Variants in FUBP3 observed in about 807,000 individuals in gnomAD.
FUBP3 encodes far upstream element binding protein 3.
In FUBP3, 28 loss-of-function variants were observed where a neutral mutation model predicts 85.6. That is an observed-to-expected ratio of 0.33 (90% CI 0.24 to 0.45). FUBP3 has a LOEUF of 0.45. Among genes scored for constraint, FUBP3 ranks in the 20% least tolerant of loss-of-function variants. FUBP3 has a pLI of 1.00. For synonymous variants in FUBP3, 271 were observed against 271.4 expected, an observed-to-expected ratio of 1.00 and a Z score of 0.01; for missense variants, 583 against 755.1, an observed-to-expected ratio of 0.77 and a Z score of 2.67.
intron 2 of FUBP3, among the ~76,000 whole-genome samples, chr9:130,604,319 T>C (rs1313574127): frequency 6.6e-6 from 1 of 152,116 alleles, no homozygotes; most frequent in Non-Finnish European, 1.5e-5. Flanking sequence ...TCTGAAGAAG[T>C]AAGTGGTTTG....
chr9:130,634,928 C>T (rs1477144644), intron 17 of FUBP3, among the ~76,000 whole-genome samples, 190 bp downstream of exon 17: 1 of 152,206 alleles, frequency 6.6e-6, no homozygotes, highest in Non-Finnish European at 1.5e-5. Flanking sequence ...CATAGTCAGT[C>T]AGTGACCACA....
intron 2 of FUBP3, among the ~76,000 whole-genome samples, chr9:130,607,184 C>G (rs528986730): frequency 2.0e-5 from 3 of 151,854 alleles, no homozygotes; most frequent in African/African-American, 7.2e-5. Context: ...GTTGGCCAGG[C>G]AGGTCTCGAA....
At chr9:130,624,524 A>G (rs572994542) in intron 11 of FUBP3, among the ~76,000 whole-genome samples, 16 of 152,318 alleles carry the variant, frequency 1.1e-4, no homozygotes, top group African/African-American at 3.8e-4. Context: ...AAGCTCGTTC[A>G]GCCTGTGGGC....
At chr9:130,589,705 A>ATATATATT (rs1414691549) in intron 1 of FUBP3, among the ~76,000 whole-genome samples, 7 of 73,840 alleles carry the variant, frequency 9.5e-5, no homozygotes, top group Non-Finnish European at 1.6e-4. Context: ...ATATATATAT[A>ATATATATT]TTTTTTTTTT....
At chr9:130,603,967 T>C (rs898561846) in intron 2 of FUBP3, among the ~76,000 whole-genome samples, 1 of 152,142 alleles carries the variant, frequency 6.6e-6, no homozygotes, top group East Asian at 1.9e-4. Flanking sequence ...TTCATAATAG[T>C]CCCAAACTGA....
chr9:130,595,528 C>A lies in FUBP3; in HGVS notation c.130C>A (p.Pro44Thr), dbSNP rs999640536. The A allele has an allele frequency of 1.9e-6, 3 of 1,594,486 alleles. No homozygotes were observed. Among genetic ancestry groups the A allele is most frequent in the Non-Finnish European group, 2.6e-6 (3 of 1,162,088 alleles). ...AATTCCTCACTTGAATAATTCCACA[C>A]CTCTAGTGGACCCCTCAGTATATGG... ...DSIPHLNNSTPLVDPSVYGYG... is the reference protein window; with the variant it reads ...DSIPHLNNSTTLVDPSVYGYG... The change falls in exon 2 of 19, where the codon CCT (proline) becomes ACT (threonine). Residue 44 changes from proline (P) to threonine (T), a missense_variant. This residue lies in a region of FUBP3 where 177 missense variants were observed against 221.9 expected (regional missense o/e 0.80). Transcript: ENST00000319725.
chr9:130,614,425 T>A, intron 6 of FUBP3, 80 bp downstream of exon 6: 1 of 846,168 alleles, frequency 1.2e-6, no homozygotes, highest in Non-Finnish European at 2.0e-6. Context: ...GCAACACTGT[T>A]ACTGAACACT....
chr9:130,595,874 C>T (rs992589505), intron 2 of FUBP3, among the ~76,000 whole-genome samples: 2 of 152,150 alleles, frequency 1.3e-5, no homozygotes, highest in Non-Finnish European at 2.9e-5. Flanking sequence ...TTTGATTTAG[C>T]CTAACTCCCT....
At chr9:130,618,353 C>G (rs762083574) in intron 8 of FUBP3, among the ~76,000 whole-genome samples, 1 of 152,204 alleles carries the variant, frequency 6.6e-6, no homozygotes, top group South Asian at 2.1e-4. Context: ...TTTACTTGCT[C>G]GTTCTCTTCT....
intron 3 of FUBP3, among the ~76,000 whole-genome samples, chr9:130,610,593 T>A (rs913502341): frequency 2.0e-5 from 3 of 152,220 alleles, no homozygotes; most frequent in African/African-American, 7.2e-5. Flanking sequence ...AAGGCCAATC[T>A]GTAAGATGGG....
At chr9:130,593,687 T>G (rs1830732739) in intron 1 of FUBP3, among the ~76,000 whole-genome samples, 1 of 152,212 alleles carries the variant, frequency 6.6e-6, no homozygotes, top group African/African-American at 2.4e-5. Flanking sequence ...CTGGGAACAT[T>G]TGGACTAGCT....
At chr9:130,601,130 T>A (rs1831132757) in intron 2 of FUBP3, among the ~76,000 whole-genome samples, 1 of 152,212 alleles carries the variant, frequency 6.6e-6, no homozygotes, top group African/African-American at 2.4e-5. Flanking sequence ...CAAGCTTAAT[T>A]TGCCAGCCCT....
At position 130,592,734 on chromosome 9, in the gene FUBP3, G is replaced by A. The variant is rs184620791; in HGVS notation, c.85-2749G>A. On this transcript the variant is annotated intron_variant, in intron 1 of 18. Coordinates refer to ENST00000319725, the MANE Select transcript of FUBP3 (RefSeq NM_003934.2). Reference sequence around the variant, plus strand: ...ACTTTTTTATTTTTTGTAGAGATGGGGGTCTTGCTGTGTTGCCCAGGCTGG... The same window carrying A: ...ACTTTTTTATTTTTTGTAGAGATGGAGGTCTTGCTGTGTTGCCCAGGCTGG... 2.2e-4 allele frequency among the ~76,000 whole-genome samples: 34 copies of A among 152,102 alleles called. No individual in the cohort carries two copies. The South Asian group carries it at 5.0e-3, about 22-fold the overall frequency.
At chr9:130,636,171 G>A (rs1437553401) in intron 18 of FUBP3, 45 bp downstream of exon 18, 7 of 1,595,168 alleles carry the variant, frequency 4.4e-6, no homozygotes, top group Non-Finnish European at 6.0e-6. Flanking sequence ...CTAGCCCCGA[G>A]CCCCTGCTCC....
intron 1 of FUBP3, 91 bp from the exon 2 acceptor site, chr9:130,595,392 G>T (rs1397195492): frequency 1.3e-6 from 1 of 762,148 alleles, no homozygotes; most frequent in African/African-American, 1.7e-5. Flanking sequence ...GGAGAAATGG[G>T]ATAATAGCCC....
intron 2 of FUBP3, among the ~76,000 whole-genome samples, chr9:130,597,133 ATAAG>A (rs1332132454): frequency 6.6e-6 from 1 of 152,052 alleles, no homozygotes; most frequent in East Asian, 1.9e-4. Flanking sequence ...TATTGCATAA[ATAAG>A]TGAGAACATG....
chr9:130,586,955 T>C lies in FUBP3; in HGVS notation c.84+7191T>C, dbSNP rs536167050. ...TAGTGAAGACGGGGTTTCACCGTGCTAGCCAGAATGGTCTCAAACTCCTGA... is the reference window on the plus strand; with the variant it reads ...TAGTGAAGACGGGGTTTCACCGTGCCAGCCAGAATGGTCTCAAACTCCTGA... On this transcript the variant is annotated intron_variant, in intron 1 of 18. Transcript: ENST00000319725. Among the ~76,000 whole-genome samples the C allele has an allele frequency of 3.8e-4, 58 of 152,200 alleles. 1 individual carries two copies. The South Asian group carries it at 0.011, about 29-fold the overall frequency.
At chr9:130,623,042 T>C (rs1291314236) in intron 10 of FUBP3, among the ~76,000 whole-genome samples, 1 of 152,140 alleles carries the variant, frequency 6.6e-6, no homozygotes, top group Non-Finnish European at 1.5e-5. Context: ...AGGCCTTTTT[T>C]CTTTTTTCTT....
In FUBP3 at chr9:130,634,514, G is replaced by A. The variant is rs538676098; in HGVS notation, c.1511-153G>A. ...TAGTTACACCCCTTCCCCCAGCCCT[G>A]CCAGCTGCCACCTCCTTCCCAGGCA... On this transcript the variant is annotated intron_variant, in intron 16 of 18. Coordinates refer to ENST00000319725, the MANE Select transcript of FUBP3 (RefSeq NM_003934.2). 7.0e-5 allele frequency: 43 copies of A among 615,500 alleles called. No individual in the cohort carries two copies. In the East Asian group the frequency reaches 1.1e-3, roughly 16 times the overall value. 38.1% of individuals were successfully genotyped at this position (615,500 alleles called of 1,614,324 possible). A position where few individuals can be genotyped will look rare whatever the true frequency, so the allele number is the denominator to read the frequency against.
Sources: gnomAD v4.1 joint callset for allele counts (sites outside exome capture counted in the v4.1 genomes callset) on GRCh38, gnomAD v4.1.1 for gene constraint, gnomAD v4.1.1 regional missense constraint, MANE v1.5 for transcripts, NCBI Gene and HGNC (gene_info 2026-07-23, HGNC 2026-07-21) for gene names.